MTG2: variants seen among roughly 807,000 people sequenced by gnomAD.
MTG2 encodes mitochondrial ribosome associated GTPase 2.
Under a neutral mutation model 28.6 loss-of-function variants are expected in MTG2, and 23 were observed. The observed-to-expected ratio is 0.80, with a 90% CI of 0.58 to 1.14. MTG2 has a LOEUF of 1.14. Ranked by LOEUF, MTG2 falls within the 50% of genes most tolerant of loss-of-function variation. MTG2 has a pLI of 0.00. For synonymous variants in MTG2, 260 were observed against 251.8 expected (o/e 1.03, Z -0.31); for missense variants, 539 against 552.0 (o/e 0.98, Z 0.24).
chr20:62,187,849 G>A (rs1280422741), intron 1 of MTG2, among the ~76,000 whole-genome samples: 2 of 152,032 alleles, frequency 1.3e-5, no homozygotes, highest in Non-Finnish European at 2.9e-5. Flanking sequence ...TCTACTCGAC[G>A]CTTACTTTGC....
rs11696152 is a variant in MTG2, at chr20:62,202,873, C to G, written c.*1796C>G. The G allele has an allele frequency of 6.6e-6, 1 of 152,020 alleles. No homozygotes were observed. Among genetic ancestry groups the G allele is most frequent in the Non-Finnish European group, 1.5e-5 (1 of 68,004 alleles). The allele number at this position is 152,020 out of a possible 1,614,324, so 9.4% of individuals were successfully genotyped here. Reference sequence around the variant, plus strand: ...GATGAGCCGCAAGGGTCCGGGGCCGCGTCTCTGCACGCTGGGGTGGGGCGC... The same window carrying G: ...GATGAGCCGCAAGGGTCCGGGGCCGGGTCTCTGCACGCTGGGGTGGGGCGC... On this transcript the variant is annotated 3_prime_UTR_variant, in exon 7 of 7. Transcript: ENST00000370823.
At chr20:62,183,271 G>T (rs953845494) in intron 1 of MTG2, among the ~76,000 whole-genome samples, 3 of 152,194 alleles carry the variant, frequency 2.0e-5, no homozygotes, top group African/African-American at 4.8e-5. Flanking sequence ...TCGGGCGGTG[G>T]GGAGCGGCGC....
chr20:62,183,128 C>G (rs1259156850), intron 1 of MTG2, 71 bp downstream of exon 1: 1 of 151,768 alleles, frequency 6.6e-6, no homozygotes, highest in African/African-American at 2.4e-5. Flanking sequence ...AAGGAGGGGC[C>G]TCGGCTTGGG....
chr20:62,196,168 T>G (rs6062136), intron 3 of MTG2, among the ~76,000 whole-genome samples: 33,051 of 83,290 alleles, frequency 0.4, 3,724 homozygotes, highest in South Asian at 0.53. Context: ...TGTTTTTTTG[T>G]TTTTTTTTTT....
chr20:62,199,412 G>A lies in MTG2; in HGVS notation c.826+155G>A, dbSNP rs577787190. 4.4e-4 allele frequency: 364 copies of A among 833,336 alleles called. No individual in the cohort carries two copies. In the African/African-American group the frequency reaches 5.4e-3, roughly 12 times the overall value. 51.6% of individuals were successfully genotyped at this position (833,336 alleles called of 1,614,324 possible). A position where few individuals can be genotyped will look rare whatever the true frequency, so the allele number is the denominator to read the frequency against. ...TGTAACCCCAGCACTTTGGGAGGCC[G>A]AGGCAGGCGGATCACGAGGTCAGGA... is the stretch of plus-strand genomic sequence containing the variant. On this transcript the variant is annotated intron_variant, in intron 6 of 6. Coordinates refer to ENST00000370823, the MANE Select transcript of MTG2 (RefSeq NM_015666.4).
At chr20:62,199,894 A>T (rs921017824) in intron 6 of MTG2, 1 of 151,742 alleles carries the variant, frequency 6.6e-6, no homozygotes, top group African/African-American at 2.4e-5. Flanking sequence ...ACGGGGTTTC[A>T]CCATGTTGGC....
chr20:62,198,900 A>G, intron 5 of MTG2, 48 bp downstream of exon 5: 1 of 1,608,942 alleles, frequency 6.2e-7, no homozygotes, highest in Non-Finnish European at 8.5e-7. Context: ...CAGCTCTAGA[A>G]AATCCACTTT....
At position 62,200,944 on chromosome 20, in the gene MTG2, T is replaced by C. The variant is rs374728652; in HGVS notation, c.1088T>C (p.Leu363Ser). The change falls in exon 7 of 7, where the codon TTG (leucine) becomes TCG (serine). Residue 363 changes from leucine (L) to serine (S), a missense_variant. By Grantham distance (145) the Leu-to-Ser change is moderately radical. Coordinates refer to ENST00000370823, the MANE Select transcript of MTG2 (RefSeq NM_015666.4). ...QANLSQLRDHLGQEVIVLSAL... is the reference protein window; with the variant it reads ...QANLSQLRDHSGQEVIVLSAL... Reference sequence around the variant, plus strand: ...AATCTGTCCCAGCTCCGGGATCACTTGGGACAGGAGGTCATCGTGCTGTCG... The same window carrying C: ...AATCTGTCCCAGCTCCGGGATCACTCGGGACAGGAGGTCATCGTGCTGTCG... 11 of 1,613,890 alleles carry C rather than the reference T, an allele frequency of 6.8e-6. No individual in the cohort carries two copies. Among genetic ancestry groups the C allele is most frequent in the Non-Finnish European group, 9.3e-6 (11 of 1,180,048 alleles).
In MTG2 at chr20:62,200,969, G is replaced by A. The variant is rs377220160; in HGVS notation, c.1113G>A (p.Ser371=). The A allele has an allele frequency of 9.9e-6, 16 of 1,613,938 alleles. No individual in the cohort carries two copies. Among genetic ancestry groups the A allele is most frequent in the African/African-American group, 2.7e-5 (2 of 75,074 alleles). The change falls in exon 7 of 7, where the codon TCG becomes TCA. Residue 371 remains serine (S), a synonymous_variant. Transcript: ENST00000370823. ...DHLGQEVIVL[S]ALTGENLEQL... ...TGGGACAGGAGGTCATCGTGCTGTC[G>A]GCGTTGACCGGCGAGAACCTGGAGC...
intron 2 of MTG2, among the ~76,000 whole-genome samples, chr20:62,195,089 A>G (rs1010446922): frequency 6.6e-6 from 1 of 152,040 alleles, no homozygotes; most frequent in Non-Finnish European, 1.5e-5. Context: ...CCAGCTACTT[A>G]GGAGGCTGAG....
intron 1 of MTG2, among the ~76,000 whole-genome samples, chr20:62,189,562 C>T (rs1481868947): frequency 6.6e-6 from 1 of 152,062 alleles, no homozygotes; most frequent in Non-Finnish European, 1.5e-5. Context: ...GCCTTGGCCT[C>T]CTACAGTGCT....
rs752057393 is a variant in MTG2 at position 62,197,923 on chromosome 20, A to G, written c.424A>G (p.Ser142Gly). 4.3e-6 allele frequency: 7 copies of G among 1,614,164 alleles called. No homozygotes were observed. The highest frequency in any genetic ancestry group is 1.7e-6 in the Non-Finnish European group (2 of 1,180,018). Residue 142 changes from serine (S) to glycine (G), a missense_variant, in exon 4 of 7, where the codon AGT becomes GGT. Coordinates refer to ENST00000370823, the MANE Select transcript of MTG2 (RefSeq NM_015666.4). Reference sequence around the variant, plus strand: ...GGGTTTCAGTGGAGAAGATGGAGGGAGTAAAAACTGCTTCGGGCGCAGTGG... The same window carrying G: ...GGGTTTCAGTGGAGAAGATGGAGGGGGTAAAAACTGCTTCGGGCGCAGTGG... The part of the protein sequence containing the change: ...YQGFSGEDGG[S>G]KNCFGRSGAV...
rs755839855 is a variant in MTG2 at position 62,200,697 on chromosome 20, G to A, written c.841G>A (p.Gly281Ser). Residue 281 changes from glycine to serine, a missense_variant, in exon 7 of 7, where the codon GGC becomes AGC. Transcript: ENST00000370823. Reference sequence around the variant, plus strand: ...CTTCCCTGCAGTGGCCGACATCCCCGGCATCATACGAGGCGCCCACCAGAA... The same window carrying A: ...CTTCCCTGCAGTGGCCGACATCCCCAGCATCATACGAGGCGCCCACCAGAA... ...HLQIAVADIPGIIRGAHQNRG... is the reference protein window; with the variant it reads ...HLQIAVADIPSIIRGAHQNRG... 23 of 1,609,310 alleles carry A rather than the reference G, an allele frequency of 1.4e-5. No individual in the cohort carries two copies. Among genetic ancestry groups the A allele is most frequent in the African/African-American group, 2.7e-5 (2 of 74,750 alleles).
intron 3 of MTG2, 82 bp downstream of exon 3, chr20:62,196,031 G>A (rs2058051198): frequency 6.5e-7 from 1 of 1,531,180 alleles, no homozygotes; most frequent in African/African-American, 1.4e-5. Flanking sequence ...CCTGATGTAT[G>A]GGCAGGCACA....
At chr20:62,194,783 G>T (rs993812626) in intron 2 of MTG2, among the ~76,000 whole-genome samples, 1 of 152,198 alleles carries the variant, frequency 6.6e-6, no homozygotes, top group Non-Finnish European at 1.5e-5. Context: ...GTGTGGTGAG[G>T]TTGCAGCACC....
intron 1 of MTG2, among the ~76,000 whole-genome samples, chr20:62,190,732 G>C (rs1408896959): frequency 1.3e-5 from 2 of 152,260 alleles, no homozygotes; most frequent in African/African-American, 2.4e-5. Context: ...CTGGAGCTCA[G>C]TTAGTAGCGG....
intron 3 of MTG2, among the ~76,000 whole-genome samples, chr20:62,196,735 A>C (rs1432100426): frequency 1.3e-5 from 2 of 150,670 alleles, no homozygotes; most frequent in Non-Finnish European, 1.5e-5. Flanking sequence ...TTTATAAATT[A>C]TATGGATATT....
chr20:62,183,983 T>G (rs2057779498), intron 1 of MTG2, among the ~76,000 whole-genome samples: 1 of 152,218 alleles, frequency 6.6e-6, no homozygotes, highest in Non-Finnish European at 1.5e-5. Flanking sequence ...CAGAGGATAC[T>G]ATGTGACTTT....
intron 6 of MTG2, 33 bp downstream of exon 6, chr20:62,199,290 T>C (rs372057091): frequency 3.1e-6 from 5 of 1,593,500 alleles, no homozygotes; most frequent in African/African-American, 1.3e-5. Context: ...AAAGGTTAGA[T>C]TTAAATGATG....
Sources: allele counts gnomAD v4.1 joint callset (sites outside exome capture counted in the v4.1 genomes callset), GRCh38; gene constraint gnomAD v4.1.1; transcripts MANE v1.5; gene names NCBI Gene and HGNC (gene_info 2026-07-23, HGNC 2026-07-21).